Variants in FRRS1 observed in about 807,000 individuals in gnomAD.
The protein encoded by FRRS1 is ferric chelate reductase 1, also known as ferric reductase 1.
FRRS1 carries 51 observed loss-of-function variants against 70.7 expected under a neutral mutation model. The observed-to-expected ratio is 0.72, with a 90% CI of 0.58 to 0.91. The LOEUF is 0.91. FRRS1 is among the 40% of genes least tolerant of loss of function. The probability of loss-of-function intolerance (pLI) is 0.00; values close to 1 mark genes in which losing one functional copy is unlikely to be tolerated. For missense variants in FRRS1, 672 were observed against 726.0 expected (o/e 0.93, Z 0.86); for synonymous variants, 225 against 238.7 (o/e 0.94, Z 0.53).
chr1:99,723,620 T>C (rs1354244461), intron 9 of FRRS1, among the ~76,000 whole-genome samples: 2 of 152,196 alleles, frequency 1.3e-5, no homozygotes, highest in African/African-American at 4.8e-5. Flanking sequence ...AGGGGAATCA[T>C]GTTCTATCAA....
Position 99,707,393 on chromosome 1 carries a change from A to C in FRRS1, c.*1635T>G, listed in dbSNP as rs1471760236. Among the ~76,000 whole-genome samples, 1 of 152,132 alleles carries C rather than the reference A, an allele frequency of 6.6e-6. No individual in the cohort carries two copies. Among genetic ancestry groups the C allele is most frequent in the Non-Finnish European group, 1.5e-5 (1 of 68,014 alleles). ...ATCAGAAAGAATACCTAAAGAAATA[A>C]AGTATGACTTCCTAAATTTTTTATT... On this transcript the variant is annotated 3_prime_UTR_variant, in exon 17 of 17. Transcript: ENST00000646001.
chr1:99,741,054 C>A, intron 5 of FRRS1, 114 bp from the exon 6 acceptor site: 1 of 938,858 alleles, frequency 1.1e-6, no homozygotes, highest in East Asian at 2.4e-5. Flanking sequence ...GACTTACTAC[C>A]TAACAGGACT....
At chr1:99,764,956 T>C (rs1037821015) in intron 1 of FRRS1, among the ~76,000 whole-genome samples, 9 of 152,260 alleles carry the variant, frequency 5.9e-5, no homozygotes, top group Admixed American at 1.3e-4. Context: ...CTGCCACATT[T>C]GGTGACTTGT....
chr1:99,756,719 A>G (rs1473016649), intron 1 of FRRS1, among the ~76,000 whole-genome samples: 3 of 152,200 alleles, frequency 2.0e-5, no homozygotes, highest in African/African-American at 7.2e-5. Flanking sequence ...ACATGTGAGA[A>G]TAAGAAAAAA....
In FRRS1 at chr1:99,712,111, T is replaced by C. The variant is rs755091150; in HGVS notation, c.1474A>G (p.Ile492Val). The change falls in exon 14 of 17, where the codon ATA becomes GTA. Residue 492 changes from isoleucine to valine, a missense_variant. By Grantham distance (29) the Ile-to-Val change is conservative. Transcript: ENST00000646001. ...TGGCATCACAATCTCTTACCTGCTATTATTCTAGCAGCTGTTCCCATACTC... is the reference window on the plus strand; with the variant it reads ...TGGCATCACAATCTCTTACCTGCTACTATTCTAGCAGCTGTTCCCATACTC... The part of the protein sequence containing the change: ...HWSMGTAARI[I>V]AVAAMFLGMD... 2.5e-6 allele frequency: 4 copies of C among 1,600,706 alleles called. No individual in the cohort carries two copies. In the South Asian group the frequency reaches 4.5e-5, roughly 18 times the overall value.
chr1:99,733,941 T>A (rs576409859), intron 7 of FRRS1, among the ~76,000 whole-genome samples: 1 of 152,308 alleles, frequency 6.6e-6, no homozygotes, highest in South Asian at 2.1e-4. Flanking sequence ...CATAGCATCA[T>A]CAATAATAGA....
In FRRS1 at chr1:99,709,215, T is replaced by A; in HGVS notation, c.1669A>T (p.Thr557Ser). 6.2e-7 allele frequency: 1 copy of A among 1,610,766 alleles called. No individual in the cohort carries two copies. The highest frequency in any genetic ancestry group is 8.5e-7 in the Non-Finnish European group (1 of 1,176,988). ...GGACTTACCTCTGTTTCCACTGCAG[T>A]AAATGACTGAAGGATCTGAATTCTG... ...DDRIQILQSFTAVETEGHAFK... is the reference protein window; with the variant it reads ...DDRIQILQSFSAVETEGHAFK... The change falls in exon 16 of 17, where the codon ACT becomes TCT. Residue 557 changes from threonine to serine, a missense_variant. Thr to Ser is a moderately conservative substitution (Grantham distance 58, BLOSUM62 1). Transcript: ENST00000646001.
chr1:99,757,502 T>G (rs1410685611), intron 1 of FRRS1, among the ~76,000 whole-genome samples: 1 of 152,218 alleles, frequency 6.6e-6, no homozygotes, highest in Admixed American at 6.5e-5. Context: ...TTTGTGAGCC[T>G]GAACAAAAAG....
intron 10 of FRRS1, 116 bp from the exon 11 acceptor site, chr1:99,717,641 A>T: frequency 2.9e-6 from 2 of 696,260 alleles, no homozygotes; most frequent in East Asian, 5.2e-5. Flanking sequence ...TTCAGCTGAC[A>T]TAAGTACAAC....
In FRRS1 at chr1:99,704,429, CT is replaced by C. The variant is rs1167578559; in HGVS notation, c.*4598del. ...TGTAAGTGATAACGGGAGGGAAGTG[CT>C]GGGAAGGGCGTGGTCCCTTTAAATA... On this transcript the variant is annotated 3_prime_UTR_variant, in exon 17 of 17. Coordinates refer to ENST00000646001, the MANE Select transcript of FRRS1 (RefSeq NM_001361041.2). 5.9e-5 allele frequency among the ~76,000 whole-genome samples: 9 copies of C among 152,230 alleles called. No individual in the cohort carries two copies. Among genetic ancestry groups the C allele is most frequent in the African/African-American group, 2.2e-4 (9 of 41,570 alleles).
At chr1:99,743,302 G>C (rs138846078) in intron 4 of FRRS1, among the ~76,000 whole-genome samples, 58 of 152,254 alleles carry the variant, frequency 3.8e-4, no homozygotes, top group African/African-American at 1.4e-3. Flanking sequence ...CTGACAGAGA[G>C]CAATTTCAAA....
In FRRS1 at chr1:99,704,704, C is replaced by G. The variant is rs1429989835; in HGVS notation, c.*4324G>C. 6.6e-6 allele frequency among the ~76,000 whole-genome samples: 1 copy of G among 152,142 alleles called. No homozygotes were observed. Among genetic ancestry groups the G allele is most frequent in the Non-Finnish European group, 1.5e-5 (1 of 68,032 alleles). ...GGAGAGGAACACATCGCAGAAGACA[C>G]AAGCAGCTGGACAGCGAGAGGATGT... is the stretch of plus-strand genomic sequence containing the variant. On this transcript the variant is annotated 3_prime_UTR_variant, in exon 17 of 17. Transcript: ENST00000646001.
intron 4 of FRRS1, among the ~76,000 whole-genome samples, chr1:99,743,879 C>T (rs1436553968): frequency 6.6e-6 from 1 of 152,046 alleles, no homozygotes; most frequent in Non-Finnish European, 1.5e-5. Flanking sequence ...TACTGTAAAC[C>T]TTGAATAACA....
chr1:99,720,023 T>A (rs1286391083), intron 9 of FRRS1, among the ~76,000 whole-genome samples: 5 of 152,180 alleles, frequency 3.3e-5, no homozygotes, highest in African/African-American at 1.2e-4. Context: ...ACATATTTTT[T>A]AAAAATCTAC....
At chr1:99,714,916 C>T (rs372957681) in intron 12 of FRRS1, among the ~76,000 whole-genome samples, 14 of 152,064 alleles carry the variant, frequency 9.2e-5, no homozygotes, top group African/African-American at 2.9e-4. Context: ...TTTCAAGCCA[C>T]GGGAGAAGTC....
At chr1:99,731,924 C>G (rs1655407911) in intron 7 of FRRS1, among the ~76,000 whole-genome samples, 1 of 152,100 alleles carries the variant, frequency 6.6e-6, no homozygotes, top group Non-Finnish European at 1.5e-5. Context: ...CCTCAGCCAC[C>G]CAAAGTGATG....
At chr1:99,742,582 C>A (rs1192188000) in intron 4 of FRRS1, among the ~76,000 whole-genome samples, 1 of 152,206 alleles carries the variant, frequency 6.6e-6, no homozygotes, top group Non-Finnish European at 1.5e-5. Flanking sequence ...AAATTTATAT[C>A]TCTTCCATTA....
chr1:99,739,162 C>A (rs1366039237), intron 6 of FRRS1, among the ~76,000 whole-genome samples: 1 of 152,152 alleles, frequency 6.6e-6, no homozygotes, highest in Non-Finnish European at 1.5e-5. Flanking sequence ...CTCTCAGGAT[C>A]CCTGAACCTT....
At chr1:99,752,428 T>C (rs567058009) in intron 1 of FRRS1, among the ~76,000 whole-genome samples, 5 of 152,168 alleles carry the variant, frequency 3.3e-5, no homozygotes, top group Non-Finnish European at 7.3e-5. Flanking sequence ...CCTCAGGGAA[T>C]AGGGAGGCCT....
Sources: allele counts gnomAD v4.1 joint callset (sites outside exome capture counted in the v4.1 genomes callset), GRCh38; gene constraint gnomAD v4.1.1; transcripts MANE v1.5; gene names NCBI Gene and HGNC (gene_info 2026-07-23, HGNC 2026-07-21).